GINS1: variants seen among roughly 807,000 people sequenced by gnomAD.
GINS1 encodes the protein DNA replication complex GINS protein PSF1.
Under a neutral mutation model 34.9 loss-of-function variants are expected in GINS1, and 26 were observed. That is an observed-to-expected ratio of 0.74 (90% CI 0.55 to 1.03). The LOEUF (loss-of-function observed/expected upper bound fraction) is 1.03, where lower values mean the gene tolerates loss of function less well. Among genes scored for constraint, GINS1 ranks in the 50% least tolerant of loss-of-function variants. The pLI is 0.00. For missense variants in GINS1, 235 were observed against 237.9 expected (o/e 0.99, Z 0.08); for synonymous variants, 97 against 84.4 (o/e 1.15, Z -0.82).
At position 25,414,148 on chromosome 20, in the gene GINS1, C is replaced by A. The variant is rs2090305377; in HGVS notation, c.140+294C>A. 2.2e-5 allele frequency among the ~76,000 whole-genome samples: 3 copies of A among 139,454 alleles called. No individual in the cohort carries two copies. The South Asian group carries it at 6.7e-4, about 31-fold the overall frequency. The allele number at this position is 139,454 out of a possible 152,430, so 91.5% of individuals were successfully genotyped here. On this transcript the variant is annotated intron_variant, in intron 2 of 6. Coordinates refer to ENST00000262460, the MANE Select transcript of GINS1 (RefSeq NM_021067.5). ...GAGGTTGCAGTGAGCTGAGATTGCA[C>A]CACTTCACTCCAGCCTGGCGATAGG...
intron 1 of GINS1, among the ~76,000 whole-genome samples, chr20:25,412,922 T>A (rs2090295366): frequency 6.6e-6 from 1 of 152,136 alleles, no homozygotes; most frequent in Non-Finnish European, 1.5e-5. Flanking sequence ...ACAGATGATA[T>A]TATTCTTTTT....
rs6050626 is a variant in GINS1, at chr20:25,447,625, T to C, written c.*1634T>C. 69,838 of 152,044 alleles carry C rather than the reference T, an allele frequency of 0.46. 16,616 individuals carry two copies. Among genetic ancestry groups the C allele is most frequent in the East Asian group, 0.92 (4,744 of 5,172 alleles). The allele number at this position is 152,044 out of a possible 1,614,324, so 9.4% of individuals were successfully genotyped here. A position where few individuals can be genotyped will look rare whatever the true frequency, so the allele number is the denominator to read the frequency against. ...ATTCTTGAAACAGATAGTATTAATG[T>C]GTCATATTTTTGCTGTTGTTTGTAT... is the stretch of plus-strand genomic sequence containing the variant. On this transcript the variant is annotated 3_prime_UTR_variant, in exon 7 of 7. Coordinates refer to ENST00000262460, the MANE Select transcript of GINS1 (RefSeq NM_021067.5).
intron 5 of GINS1, among the ~76,000 whole-genome samples, chr20:25,426,843 T>C (rs954639746): frequency 6.6e-6 from 1 of 152,138 alleles, no homozygotes; most frequent in Admixed American, 6.5e-5. Context: ...CCTTCCTTTT[T>C]AAGGATGAGT....
intron 1 of GINS1, chr20:25,410,986 AAGTT>A (rs2090281276): frequency 6.6e-6 from 1 of 152,162 alleles, no homozygotes; most frequent in Non-Finnish European, 1.5e-5. Flanking sequence ...ATTTTTAAGA[AAGTT>A]AGGCCAAGCA....
chr20:25,423,990 G>A (rs1315084901), intron 4 of GINS1, among the ~76,000 whole-genome samples: 2 of 152,100 alleles, frequency 1.3e-5, no homozygotes, highest in African/African-American at 4.8e-5. Flanking sequence ...TAAGTTTTGT[G>A]TATACTACAG....
At position 25,446,045 on chromosome 20, in the gene GINS1, CA is replaced by C. The variant is rs1443357811; in HGVS notation, c.*55del. 1 of 896,314 alleles carries C rather than the reference CA, an allele frequency of 1.1e-6. No individual in the cohort carries two copies. Among genetic ancestry groups the C allele is most frequent in the Non-Finnish European group, 1.8e-6 (1 of 567,404 alleles). 55.5% of individuals were successfully genotyped at this position (896,314 alleles called of 1,614,324 possible). A position where few individuals can be genotyped will look rare whatever the true frequency, so the allele number is the denominator to read the frequency against. On this transcript the variant is annotated 3_prime_UTR_variant, in exon 7 of 7. Coordinates refer to ENST00000262460, the MANE Select transcript of GINS1 (RefSeq NM_021067.5). ...CTCAACTCATGGACTCCTCTGTACT[CA>C]CTCTCTCCACCACTCCCTTCACCTC...
chr20:25,424,222 T>C (rs1035510194), intron 4 of GINS1, among the ~76,000 whole-genome samples: 2 of 152,230 alleles, frequency 1.3e-5, no homozygotes, highest in African/African-American at 4.8e-5. Context: ...TATAGTATAG[T>C]TGGAGCAAGT....
At chr20:25,411,190 G>T (rs1360081222) in intron 1 of GINS1, 1 of 152,184 alleles carries the variant, frequency 6.6e-6, no homozygotes, top group Non-Finnish European at 1.5e-5. Flanking sequence ...TGAGAGGATT[G>T]CATGGCTCCA....
rs2090514971 is a variant in GINS1 at position 25,446,821 on chromosome 20, T to C, written c.*830T>C. On this transcript the variant is annotated 3_prime_UTR_variant, in exon 7 of 7. Transcript: ENST00000262460. ...ACTGAAAAGTCACATGAAGAGTTGA[T>C]TGTCTTTTAATGGTATGTTTTAAAC... 1 of 152,222 alleles carries C rather than the reference T, an allele frequency of 6.6e-6. No individual in the cohort carries two copies. The highest frequency in any genetic ancestry group is 1.5e-5 in the Non-Finnish European group (1 of 68,032). The allele number at this position is 152,222 out of a possible 1,614,324, so 9.4% of individuals were successfully genotyped here.
At chr20:25,420,231 T>G (rs1371686681) in intron 4 of GINS1, among the ~76,000 whole-genome samples, 1 of 152,048 alleles carries the variant, frequency 6.6e-6, no homozygotes, top group East Asian at 1.9e-4. Context: ...CCTCCCGGGT[T>G]CAAGCGATTC....
chr20:25,418,430 T>C (rs1372436152), intron 4 of GINS1, among the ~76,000 whole-genome samples: 1 of 152,210 alleles, frequency 6.6e-6, no homozygotes, highest in East Asian at 1.9e-4. Flanking sequence ...TGTTACTTAT[T>C]AGTGATCCAT....
Position 25,441,695 on chromosome 20 carries a change from C to G in GINS1, c.448-7C>G. 1 of 1,462,736 alleles carries G rather than the reference C, an allele frequency of 6.8e-7. No homozygotes were observed. The highest frequency in any genetic ancestry group is 9.4e-7 in the Non-Finnish European group (1 of 1,062,346). The allele number at this position is 1,462,736 out of a possible 1,614,324, so 90.6% of individuals were successfully genotyped here. On this transcript the variant is annotated splice_region_variant and splice_polypyrimidine_tract_variant and intron_variant, in intron 5 of 6. Transcript: ENST00000262460. ...TTAGATAAAACATCTCTCATTTTTT[C>G]TTTCAGGTCCGGTGTCTAAAAGACT...
chr20:25,428,643 A>G (rs563982633), intron 5 of GINS1, among the ~76,000 whole-genome samples: 68 of 151,670 alleles, frequency 4.5e-4, no homozygotes, highest in Admixed American at 2.7e-3. Flanking sequence ...TAACCTTGTG[A>G]TCCGCCCACC....
chr20:25,412,103 A>G (rs2090289509), intron 1 of GINS1, among the ~76,000 whole-genome samples: 1 of 152,014 alleles, frequency 6.6e-6, no homozygotes, highest in Non-Finnish European at 1.5e-5. Context: ...GTGAGACTTC[A>G]TCTCAACAAC....
chr20:25,417,020 T>C, intron 2 of GINS1, 84 bp from the exon 3 acceptor site: 1 of 645,074 alleles, frequency 1.6e-6, no homozygotes, highest in South Asian at 1.9e-5. Flanking sequence ...AAAACAAGCA[T>C]GTAACTCAGT....
intron 5 of GINS1, among the ~76,000 whole-genome samples, chr20:25,426,138 T>C (rs2090389294): frequency 6.6e-6 from 1 of 152,224 alleles, no homozygotes; most frequent in East Asian, 1.9e-4. Context: ...TTTTGTTTTC[T>C]TTTGTTCTCG....
At chr20:25,411,443 G>A (rs531337985) in intron 1 of GINS1, among the ~76,000 whole-genome samples, 1 of 152,260 alleles carries the variant, frequency 6.6e-6, no homozygotes, top group African/African-American at 2.4e-5. Context: ...CCTAAAAATA[G>A]ACAGTGAAAA....
chr20:25,434,840 G>C (rs2090445900), intron 5 of GINS1, among the ~76,000 whole-genome samples: 1 of 152,188 alleles, frequency 6.6e-6, no homozygotes, highest in African/African-American at 2.4e-5. Flanking sequence ...CTTCCAATGT[G>C]GCGCCTTGAA....
At chr20:25,432,078 G>A (rs951837128) in intron 5 of GINS1, among the ~76,000 whole-genome samples, 1 of 151,740 alleles carries the variant, frequency 6.6e-6, no homozygotes, top group Non-Finnish European at 1.5e-5. Flanking sequence ...TCACCATGTT[G>A]GCCAGGCTGG....
Sources: gnomAD v4.1 joint callset for allele counts (sites outside exome capture counted in the v4.1 genomes callset) on GRCh38, gnomAD v4.1.1 for gene constraint, MANE v1.5 for transcripts, NCBI Gene and HGNC (gene_info 2026-07-23, HGNC 2026-07-21) for gene names.